ZNF470: variants seen among roughly 807,000 people sequenced by gnomAD.
The protein encoded by ZNF470 is chondrogenesis zinc finger protein 1.
In ZNF470, 13 loss-of-function variants were observed where a neutral mutation model predicts 13.9. The ratio of observed to expected loss-of-function variants is 0.94; its 90% CI spans 0.61 to 1.49. ZNF470 has a LOEUF of 1.49. Among genes scored for constraint, ZNF470 ranks in the 40% most tolerant of loss-of-function variants. The probability of loss-of-function intolerance (pLI) is 0.00; values close to 1 mark genes in which losing one functional copy is unlikely to be tolerated. For missense variants in ZNF470, 929 were observed against 857.3 expected (o/e 1.08, Z -1.04); for synonymous variants, 293 against 282.9 (o/e 1.04, Z -0.36).
Position 56,574,240 on chromosome 19 carries a change from A to G in ZNF470, c.61-154A>G, listed in dbSNP as rs1301424312. 2.5e-5 allele frequency: 31 copies of G among 1,239,340 alleles called. 1 individual carries two copies. The highest frequency in any genetic ancestry group is 3.4e-5 in the Non-Finnish European group (29 of 851,914). 76.8% of individuals were successfully genotyped at this position (1,239,340 alleles called of 1,614,324 possible). On this transcript the variant is annotated intron_variant, in intron 3 of 5. Coordinates refer to ENST00000330619, the MANE Select transcript of ZNF470 (RefSeq NM_001001668.4). ...GCATAACTAGGCAGAAAAGTTGTCC[A>G]ATAACTTACCTGACCCGGATCATTT...
chr19:56,575,934 T>G (rs1026741977), intron 5 of ZNF470, among the ~76,000 whole-genome samples: 24 of 152,294 alleles, frequency 1.6e-4, no homozygotes, highest in African/African-American at 5.8e-4. Flanking sequence ...TTATATGTAG[T>G]GATTTATACG....
chr19:56,576,710 C>G lies in ZNF470; in HGVS notation c.284-3C>G, dbSNP rs2044490697. 1 of 1,370,608 alleles carries G rather than the reference C, an allele frequency of 7.3e-7. No homozygotes were observed. The highest frequency in any genetic ancestry group is 9.5e-7 in the Non-Finnish European group (1 of 1,053,760). The allele number at this position is 1,370,608 out of a possible 1,614,324, so 84.9% of individuals were successfully genotyped here. A position where few individuals can be genotyped will look rare whatever the true frequency, so the allele number is the denominator to read the frequency against. On this transcript the variant is annotated splice_region_variant and splice_polypyrimidine_tract_variant and intron_variant, in intron 5 of 5. Transcript: ENST00000330619. ...AGACATTTACTTTCTTAATATCTTT[C>G]AGACTTGGAGTGTGTGTGGGTGACC...
chr19:56,577,846 A>G lies in ZNF470; in HGVS notation c.1417A>G (p.Arg473Gly), dbSNP rs1024819846. 6.2e-7 allele frequency: 1 copy of G among 1,613,756 alleles called. No individual in the cohort carries two copies. Among genetic ancestry groups the G allele is most frequent in the Admixed American group, 1.7e-5 (1 of 59,952 alleles). Reference protein sequence around the residue: ...SHRGSLTLHQRVHTGEKPYEC... With the variant: ...SHRGSLTLHQGVHTGEKPYEC... ...TCGTGGGTCTCTTACTCTTCATCAG[A>G]GAGTTCATACTGGAGAGAAACCCTA... The change falls in exon 6 of 6, where the codon AGA becomes GGA. Residue 473 changes from arginine to glycine, a missense_variant. Transcript: ENST00000330619.
intron 5 of ZNF470, among the ~76,000 whole-genome samples, 157 bp downstream of exon 5, chr19:56,574,890 TG>T (rs2044478783): frequency 6.6e-6 from 1 of 152,214 alleles, no homozygotes; most frequent in Admixed American, 6.5e-5. Context: ...TAGTGTAACT[TG>T]CCTCCTTTAC....
In ZNF470 at chr19:56,582,351, C is replaced by G; in HGVS notation, c.*3768C>G. ...TTCTAGCATTAAGGCAAAAAAAATT[C>G]ACCTAAGGGATTTTGTATGATATTG... On this transcript the variant is annotated 3_prime_UTR_variant, in exon 6 of 6. Coordinates refer to ENST00000330619, the MANE Select transcript of ZNF470 (RefSeq NM_001001668.4). 1.0e-6 allele frequency: 1 copy of G among 985,324 alleles called. No individual in the cohort carries two copies. The highest frequency in any genetic ancestry group is 1.2e-6 in the Non-Finnish European group (1 of 829,888). The allele number at this position is 985,324 out of a possible 1,614,324, so 61.0% of individuals were successfully genotyped here. A position where few individuals can be genotyped will look rare whatever the true frequency, so the allele number is the denominator to read the frequency against.
Position 56,577,887 on chromosome 19 carries a change from T to A in ZNF470, c.1458T>A (p.Cys486Ter), listed in dbSNP as rs1465015236. ...TGEKPYECKE[C>*]GKAFRQSTHL... Reference sequence around the variant, plus strand: ...AGAAACCCTATGAATGTAAAGAATGTGGGAAAGCTTTCCGGCAGAGCACGC... The same window carrying A: ...AGAAACCCTATGAATGTAAAGAATGAGGGAAAGCTTTCCGGCAGAGCACGC... Residue 486 changes from cysteine (C) to a stop codon, truncating the protein, a stop_gained, in exon 6 of 6, where the codon TGT becomes TGA. Transcript: ENST00000330619. LOFTEE classifies it low-confidence loss of function (END_TRUNC). The A allele has an allele frequency of 6.2e-7, 1 of 1,613,908 alleles. No individual in the cohort carries two copies. Among genetic ancestry groups the A allele is most frequent in the African/African-American group, 1.3e-5 (1 of 75,002 alleles).
intron 3 of ZNF470, among the ~76,000 whole-genome samples, chr19:56,572,275 G>A (rs145196702): frequency 0.058 from 7,714 of 133,112 alleles, 269 homozygotes; most frequent in Non-Finnish European, 0.076. Flanking sequence ...AGGCTGAGGC[G>A]GGTGGATTAC....
Position 56,567,755 on chromosome 19 carries a change from T to G in ZNF470, c.-442T>G. 1.0e-6 allele frequency: 1 copy of G among 987,868 alleles called. No homozygotes were observed. Among genetic ancestry groups the G allele is most frequent in the Non-Finnish European group, 1.2e-6 (1 of 831,836 alleles). The allele number at this position is 987,868 out of a possible 1,614,324, so 61.2% of individuals were successfully genotyped here. A position where few individuals can be genotyped will look rare whatever the true frequency, so the allele number is the denominator to read the frequency against. ...GGCCGCGAATCTGCGCCTGCGTGCA[T>G]GGCCCGGCGGCGTGCGGAAGGCGGT... is the stretch of plus-strand genomic sequence containing the variant. On this transcript the variant is annotated 5_prime_UTR_variant, in exon 1 of 6. An upstream start codon of the reference 5' UTR is lost. Coordinates refer to ENST00000330619, the MANE Select transcript of ZNF470 (RefSeq NM_001001668.4).
At chr19:56,572,541 CAAA>C (rs764794483) in intron 3 of ZNF470, among the ~76,000 whole-genome samples, 4 of 87,254 alleles carry the variant, frequency 4.6e-5, no homozygotes, top group East Asian at 3.1e-4. Context: ...GACCCTGTCT[CAAA>C]AAAAAAAAAA....
rs1320019409 is a variant in ZNF470 at position 56,581,731 on chromosome 19, C to G, written c.*3148C>G. 2 of 985,212 alleles carry G rather than the reference C, an allele frequency of 2.0e-6. No homozygotes were observed. The highest frequency in any genetic ancestry group is 6.2e-5 in the Admixed American group (1 of 16,252). 61.0% of individuals were successfully genotyped at this position (985,212 alleles called of 1,614,324 possible). Reference sequence around the variant, plus strand: ...GTTTTTCTCTGCCCAGTTTCCCTTGCCTCCTCCTTTTGGCTGCACTATCTC... The same window carrying G: ...GTTTTTCTCTGCCCAGTTTCCCTTGGCTCCTCCTTTTGGCTGCACTATCTC... On this transcript the variant is annotated 3_prime_UTR_variant, in exon 6 of 6. Transcript: ENST00000330619.
chr19:56,578,697 G>T lies in ZNF470; in HGVS notation c.*114G>T, dbSNP rs557881476. ...GGATTTCTGCAGTAGCATAACTGTT[G>T]CCCCTTTTGCTTCTATCAACTACAT... On this transcript the variant is annotated 3_prime_UTR_variant, in exon 6 of 6. Coordinates refer to ENST00000330619, the MANE Select transcript of ZNF470 (RefSeq NM_001001668.4). 59 of 1,312,430 alleles carry T rather than the reference G, an allele frequency of 4.5e-5. No homozygotes were observed. The highest frequency in any genetic ancestry group is 6.7e-5 in the Admixed American group (2 of 29,828). The allele number at this position is 1,312,430 out of a possible 1,614,324, so 81.3% of individuals were successfully genotyped here.
In ZNF470 at chr19:56,581,609, C is replaced by T; in HGVS notation, c.*3026C>T. On this transcript the variant is annotated 3_prime_UTR_variant, in exon 6 of 6. Transcript: ENST00000330619. ...GTGTAGTCATAGAAAGATAGCTGTG[C>T]TATACTAAATGAAAAATTGCAGACC... is the stretch of plus-strand genomic sequence containing the variant. 2.4e-6 allele frequency: 2 copies of T among 851,014 alleles called. No individual in the cohort carries two copies. Among genetic ancestry groups the T allele is most frequent in the Non-Finnish European group, 2.8e-6 (2 of 707,586 alleles). 52.7% of individuals were successfully genotyped at this position (851,014 alleles called of 1,614,324 possible).
rs1057201466 is a variant in ZNF470 at position 56,578,712 on chromosome 19, A to G, written c.*129A>G. The G allele has an allele frequency of 9.2e-6, 12 of 1,310,234 alleles. No homozygotes were observed. Among genetic ancestry groups the G allele is most frequent in the Middle Eastern group, 2.4e-4 (1 of 4,182 alleles). The allele number at this position is 1,310,234 out of a possible 1,614,324, so 81.2% of individuals were successfully genotyped here. Reference sequence around the variant, plus strand: ...CATAACTGTTGCCCCTTTTGCTTCTATCAACTACATGTTTAACACTGTAGG... The same window carrying G: ...CATAACTGTTGCCCCTTTTGCTTCTGTCAACTACATGTTTAACACTGTAGG... On this transcript the variant is annotated 3_prime_UTR_variant, in exon 6 of 6. Coordinates refer to ENST00000330619, the MANE Select transcript of ZNF470 (RefSeq NM_001001668.4).
At position 56,582,154 on chromosome 19, in the gene ZNF470, A is replaced by C; in HGVS notation, c.*3571A>C. 1 of 985,404 alleles carries C rather than the reference A, an allele frequency of 1.0e-6. No homozygotes were observed. Among genetic ancestry groups the C allele is most frequent in the Non-Finnish European group, 1.2e-6 (1 of 829,918 alleles). The allele number at this position is 985,404 out of a possible 1,614,324, so 61.0% of individuals were successfully genotyped here. ...TATATTCTAGACTGGAAAGCATCTCATGGTGTGCGATGAGCAAACGCCTGA... is the reference window on the plus strand; with the variant it reads ...TATATTCTAGACTGGAAAGCATCTCCTGGTGTGCGATGAGCAAACGCCTGA... On this transcript the variant is annotated 3_prime_UTR_variant, in exon 6 of 6. Transcript: ENST00000330619.
At chr19:56,568,173 G>A (rs2044425288) in intron 1 of ZNF470, 135 bp downstream of exon 1, 1 of 947,958 alleles carries the variant, frequency 1.1e-6, no homozygotes, top group Admixed American at 6.2e-5. Context: ...GAAAGATTTG[G>A]AGGGTCACCT....
intron 2 of ZNF470, among the ~76,000 whole-genome samples, chr19:56,569,930 A>G (rs960287071): frequency 6.6e-6 from 1 of 152,174 alleles, no homozygotes; most frequent in Non-Finnish European, 1.5e-5. Flanking sequence ...TTGAAGATAC[A>G]GTGAGCTATG....
In ZNF470 at chr19:56,580,142, A is replaced by G; in HGVS notation, c.*1559A>G. 1.0e-6 allele frequency: 1 copy of G among 984,916 alleles called. No individual in the cohort carries two copies. The highest frequency in any genetic ancestry group is 1.7e-5 in the African/African-American group (1 of 57,322). 61.0% of individuals were successfully genotyped at this position (984,916 alleles called of 1,614,324 possible). On this transcript the variant is annotated 3_prime_UTR_variant, in exon 6 of 6. Transcript: ENST00000330619. ...GGAGTGCTGGATCAGGCACCTTACTATCCCCAGAACATGTTGGTATTAGAG... is the reference window on the plus strand; with the variant it reads ...GGAGTGCTGGATCAGGCACCTTACTGTCCCCAGAACATGTTGGTATTAGAG...
Position 56,578,194 on chromosome 19 carries a change from G to A in ZNF470, c.1765G>A (p.Gly589Ser), listed in dbSNP as rs144360515. 918 of 1,614,118 alleles carry A rather than the reference G, an allele frequency of 5.7e-4. 5 individuals carry two copies. In the African/African-American group the frequency reaches 0.011, roughly 19 times the overall value. ...TGTTCAACATCAGAGACTCCACAGTGGCAAAAGACCGTATGAATGTCTTGA... is the reference window on the plus strand; with the variant it reads ...TGTTCAACATCAGAGACTCCACAGTAGCAAAAGACCGTATGAATGTCTTGA... Reference protein sequence around the residue: ...YLVQHQRLHSGKRPYECLECG... With the variant: ...YLVQHQRLHSSKRPYECLECG... Residue 589 changes from glycine (G) to serine (S), a missense_variant, in exon 6 of 6, where the codon GGC becomes AGC. Transcript: ENST00000330619.
rs1483157554 is a variant in ZNF470, at chr19:56,574,437, A to G, written c.104A>G (p.Asp35Gly). ...GATGTGGCCATAGACTTTTCCCAAG[A>G]TGAATGGGAGTGGCTGAATCTTGCT... ...FTDVAIDFSQDEWEWLNLAQR... is the reference protein window; with the variant it reads ...FTDVAIDFSQGEWEWLNLAQR... The change falls in exon 4 of 6, where the codon GAT becomes GGT. Residue 35 changes from aspartate (D) to glycine (G), a missense_variant. Transcript: ENST00000330619. 1.2e-6 allele frequency: 2 copies of G among 1,613,874 alleles called. No homozygotes were observed. Among genetic ancestry groups the G allele is most frequent in the East Asian group, 2.2e-5 (1 of 44,860 alleles).
Sources: allele counts gnomAD v4.1 joint callset (sites outside exome capture counted in the v4.1 genomes callset), GRCh38; gene constraint gnomAD v4.1.1; transcripts MANE v1.5; gene names NCBI Gene and HGNC (gene_info 2026-07-23, HGNC 2026-07-21).